CFAP74: variants seen among roughly 807,000 people sequenced by gnomAD.
CFAP74 encodes cilia- and flagella-associated protein 74.
In CFAP74, 124 loss-of-function variants were observed where a neutral mutation model predicts 188.9. The observed-to-expected ratio is 0.66, with a 90% CI of 0.57 to 0.76. The LOEUF (loss-of-function observed/expected upper bound fraction) is 0.76. Ranked by LOEUF, CFAP74 falls within the 30% of genes least tolerant of loss-of-function variation. The pLI, the probability that CFAP74 is intolerant of heterozygous loss-of-function variation, is 0.00. For synonymous variants in CFAP74, 956 were observed against 916.7 expected (o/e 1.04, Z -0.77); for missense variants, 2,198 against 2,165.2 (o/e 1.02, Z -0.30).
At chr1:1,933,087 C>T (rs3121830) in intron 25 of CFAP74, among the ~76,000 whole-genome samples, 83,266 of 146,998 alleles carry the variant, frequency 0.57, 23,231 homozygotes, top group East Asian at 0.67. Flanking sequence ...GGGGTTTCAA[C>T]GTGTTAGGCA....
chr1:1,972,009 C>T lies in CFAP74; in HGVS notation c.859G>A (p.Ala287Thr). The T allele has an allele frequency of 1.2e-6, 2 of 1,612,200 alleles. No individual in the cohort carries two copies. Among genetic ancestry groups the T allele is most frequent in the South Asian group, 2.2e-5 (2 of 91,084 alleles). The change falls in exon 9 of 39, where the codon GCG becomes ACG. Residue 287 changes from alanine to threonine, a missense_variant. Ala to Thr is a moderately conservative substitution (Grantham distance 58). Coordinates refer to ENST00000682832, the MANE Select transcript of CFAP74 (RefSeq NM_001304360.2). ...TTCGCGGAGATGCTGCCCTTCAGCG[C>T]CACCACCGCATCCATGCGTCGCCTC... ...YMRRRMDAVV[A>T]LKGSISANRD...
intron 6 of CFAP74, among the ~76,000 whole-genome samples, chr1:1,980,913 G>C (rs1397842029): frequency 2.0e-5 from 3 of 152,232 alleles, no homozygotes; most frequent in African/African-American, 7.2e-5. Flanking sequence ...GGCCTGTTCT[G>C]TGGCTGCGGA....
At chr1:1,963,719 C>A in intron 14 of CFAP74, 30 bp downstream of exon 14, 1 of 1,432,802 alleles carries the variant, frequency 7.0e-7, no homozygotes, top group South Asian at 1.2e-5. Context: ...CCCTGCACCG[C>A]GTCCCTCCCT....
At position 1,960,604 on chromosome 1, in the gene CFAP74, G is replaced by A. The variant is rs114759447; in HGVS notation, c.1695-574C>T. 9.6e-3 allele frequency among the ~76,000 whole-genome samples: 1,467 copies of A among 152,342 alleles called. 25 individuals are homozygous for A. The highest frequency in any genetic ancestry group is 0.034 in the African/African-American group (1,407 of 41,574). ...AGCATCTCCCCAAGGAATTCCTGAC[G>A]CCAGGCTGATTTCACAAGGTTGGAT... On this transcript the variant is annotated intron_variant, in intron 14 of 38. Transcript: ENST00000682832.
intron 1 of CFAP74, among the ~76,000 whole-genome samples, chr1:1,998,232 C>T (rs562389407): frequency 2.0e-5 from 3 of 152,102 alleles, no homozygotes; most frequent in East Asian, 3.9e-4. Flanking sequence ...GAGCCAAGAT[C>T]GTGCCATTGC....
rs756647715 is a variant in CFAP74 at position 1,955,369 on chromosome 1, C to G, written c.2176+322G>C. On this transcript the variant is annotated intron_variant, in intron 18 of 38. Coordinates refer to ENST00000682832, the MANE Select transcript of CFAP74 (RefSeq NM_001304360.2). ...GCTGCAGAGCTAGACAGAAGCCCCC[C>G]GCAGCCCGGCCCCTCCAGGGGGCAC... The G allele has an allele frequency of 8.7e-5, 117 of 1,350,474 alleles. 1 individual carries two copies. Among genetic ancestry groups the G allele is most frequent in the Non-Finnish European group, 1.1e-4 (113 of 1,028,220 alleles). The allele number at this position is 1,350,474 out of a possible 1,614,324, so 83.7% of individuals were successfully genotyped here.
chr1:1,982,263 C>T (rs1158823391), intron 6 of CFAP74, among the ~76,000 whole-genome samples: 2 of 100,412 alleles, frequency 2.0e-5, no homozygotes, highest in African/African-American at 6.6e-5. Context: ...CGCGGGGACA[C>T]GCAGGACACC....
At chr1:2,000,923 A>C (rs1482240597) in intron 1 of CFAP74, among the ~76,000 whole-genome samples, 1 of 152,186 alleles carries the variant, frequency 6.6e-6, no homozygotes, top group Non-Finnish European at 1.5e-5. Flanking sequence ...AAAAAGACAG[A>C]GGCCCGCCTG....
chr1:1,975,551 G>T lies in CFAP74; in HGVS notation c.501-1353C>A, dbSNP rs1290417780. 6.6e-6 allele frequency among the ~76,000 whole-genome samples: 1 copy of T among 152,134 alleles called. No individual in the cohort carries two copies. Among genetic ancestry groups the T allele is most frequent in the East Asian group, 1.9e-4 (1 of 5,194 alleles). On this transcript the variant is annotated intron_variant, in intron 6 of 38. Transcript: ENST00000682832. This position sits in a 1 kb window ranked among gnomAD's most constrained non-coding sequence, Gnocchi z 4.5. The stretch of plus-strand genomic sequence containing the variant: ...ATCGAGGTTGTGTCACTGCATTTTA[G>T]AAACTGGGCATACCATGTTCTTTGT...
chr1:1,947,091 AG>A, intron 18 of CFAP74, 37 bp from the exon 19 acceptor site: 1 of 1,478,874 alleles, frequency 6.8e-7, no homozygotes, highest in Non-Finnish European at 9.1e-7. Flanking sequence ...GAGGGTTGGC[AG>A]GGTGGAGGCA....
chr1:1,931,662 A>G (rs1440357891), intron 25 of CFAP74, among the ~76,000 whole-genome samples: 4 of 136,690 alleles, frequency 2.9e-5, no homozygotes, highest in Admixed American at 2.2e-4. Context: ...GCGTGAACCC[A>G]GGAGGCGGAG....
intron 15 of CFAP74, 35 bp from the exon 16 acceptor site, chr1:1,959,244 T>A: frequency 4.5e-6 from 6 of 1,335,622 alleles, no homozygotes; most frequent in Non-Finnish European, 6.4e-6. Context: ...ACAATACACT[T>A]CTGCAACTTT....
At chr1:1,979,430 GCTGGGCGTGGGAAGGCGTCACGTGATGAA>G (rs1656670527) in intron 6 of CFAP74, among the ~76,000 whole-genome samples, 3 of 142,416 alleles carry the variant, frequency 2.1e-5, no homozygotes, top group African/African-American at 7.7e-5. Flanking sequence ...GTGGTACTGA[GCTGGGCGTGGGAAGGCGTCACGTGATGAA>G]GCTGCACAGA....
intron 1 of CFAP74, among the ~76,000 whole-genome samples, chr1:2,000,095 T>C (rs376415282): frequency 6.8e-6 from 1 of 146,148 alleles, no homozygotes; most frequent in South Asian, 2.2e-4. Context: ...ACTGGTGAGG[T>C]GGAGGTTGCA....
At chr1:1,982,094 A>T (rs1480110874) in intron 6 of CFAP74, among the ~76,000 whole-genome samples, 1 of 122,366 alleles carries the variant, frequency 8.2e-6, no homozygotes, top group African/African-American at 3.0e-5. Context: ...GACACGCAGG[A>T]CACCCAGCCA....
At chr1:1,970,550 C>T in intron 10 of CFAP74, 109 bp downstream of exon 10, 1 of 1,288,810 alleles carries the variant, frequency 7.8e-7, no homozygotes, top group Non-Finnish European at 1.1e-6. Flanking sequence ...AGTGGGCGCC[C>T]TGGGAGAGAG....
chr1:1,922,957 G>A, intron 37 of CFAP74, 28 bp downstream of exon 37: 1 of 1,542,974 alleles, frequency 6.5e-7, no homozygotes, highest in Non-Finnish European at 8.7e-7. Flanking sequence ...GGGCTGCCTG[G>A]TGTCCCCAGG....
intron 1 of CFAP74, among the ~76,000 whole-genome samples, chr1:1,992,623 A>G (rs138308614): frequency 0.069 from 10,388 of 151,170 alleles, 1,167 homozygotes; most frequent in African/African-American, 0.23. Flanking sequence ...ACAGGCGCCC[A>G]CCACTACGCC....
chr1:1,950,282 T>C (rs1654122992), intron 18 of CFAP74, among the ~76,000 whole-genome samples: 1 of 152,196 alleles, frequency 6.6e-6, no homozygotes, highest in Admixed American at 6.5e-5. Flanking sequence ...ATGTGCGAAT[T>C]TCTCATCCAC....
Sources: gnomAD v4.1 joint callset for allele counts (sites outside exome capture counted in the v4.1 genomes callset) on GRCh38, gnomAD v4.1.1 for gene constraint, Gnocchi (gnomAD v3.1) non-coding constraint, MANE v1.5 for transcripts, NCBI Gene and HGNC (gene_info 2026-07-23, HGNC 2026-07-21) for gene names.